Variants in EPB41L3 observed in about 807,000 individuals in gnomAD.
EPB41L3 encodes erythrocyte membrane protein band 4.1 like 3.
A neutral mutation model predicts 127.1 loss-of-function variants in EPB41L3; 57 were observed. The observed-to-expected ratio is 0.45, with a 90% CI of 0.36 to 0.56. EPB41L3 has a LOEUF of 0.56. Ranked by LOEUF, EPB41L3 falls within the 20% of genes least tolerant of loss-of-function variation. EPB41L3 has a pLI of 0.00. For synonymous variants in EPB41L3, 572 were observed against 549.5 expected (o/e 1.04, Z -0.57); for missense variants, 1,273 against 1,372.2 (o/e 0.93, Z 1.14).
intron 3 of EPB41L3, among the ~76,000 whole-genome samples, chr18:5,560,254 GT>G (rs1245059837): frequency 6.6e-6 from 1 of 152,272 alleles, no homozygotes; most frequent in East Asian, 1.9e-4. Flanking sequence ...AATTAGATGG[GT>G]TCCTTTGATT....
chr18:5,544,382 G>A (rs745758401), upstream of EPB41L3: 5 of 923,528 alleles, frequency 5.4e-6, no homozygotes, highest in Non-Finnish European at 6.5e-6. Context: ...CTTCAGGTGA[G>A]TTATTTATTG....
At chr18:5,463,185 T>C (rs2084336757) in intron 3 of EPB41L3, among the ~76,000 whole-genome samples, 1 of 152,200 alleles carries the variant, frequency 6.6e-6, no homozygotes, top group African/African-American at 2.4e-5. Flanking sequence ...AGCTGACTAG[T>C]GTCCCTGTTC....
chr18:5,517,038 T>C (rs2092777886), intron 1 of EPB41L3, among the ~76,000 whole-genome samples: 1 of 152,102 alleles, frequency 6.6e-6, no homozygotes. Context: ...CAGCAGGGAT[T>C]AGCTGTCAGG....
chr18:5,399,005 C>A (rs1055597008), intron 16 of EPB41L3: 1 of 399,138 alleles, frequency 2.5e-6, no homozygotes, highest in Non-Finnish European at 4.4e-6. Flanking sequence ...TTTCCAGGAC[C>A]TCATATTCTG....
chr18:5,492,594 C>G (rs754931381), intron 1 of EPB41L3, among the ~76,000 whole-genome samples: 12 of 152,130 alleles, frequency 7.9e-5, no homozygotes, highest in South Asian at 2.1e-4. Context: ...TCACTTTGCA[C>G]GAAACTATCT....
In EPB41L3 at chr18:5,394,781, C is replaced by T; in HGVS notation, c.3166G>A (p.Ala1056Thr). ...DIDHDQALAQ[A>T]IKEAKEQHPD... ...TGCTGCTCTTTGGCCTCTTTAATTGCCTGAGCCAGCGCCTATCCCCGGGAA... is the reference window on the plus strand; with the variant it reads ...TGCTGCTCTTTGGCCTCTTTAATTGTCTGAGCCAGCGCCTATCCCCGGGAA... Residue 1056 changes from alanine (A) to threonine (T), a missense_variant, in exon 22 of 23, where the codon GCA (alanine) becomes ACA (threonine). Around this residue, in one of 3 missense-constraint regions of EPB41L3, gnomAD observed 765 missense variants for 782.9 expected, o/e 0.98. Coordinates refer to ENST00000341928, the MANE Select transcript of EPB41L3 (RefSeq NM_012307.5). The T allele has an allele frequency of 6.2e-7, 1 of 1,614,110 alleles. No individual in the cohort carries two copies. The highest frequency in any genetic ancestry group is 8.5e-7 in the Non-Finnish European group (1 of 1,180,004).
intron 5 of EPB41L3, among the ~76,000 whole-genome samples, chr18:5,443,295 A>C (rs1476910500): frequency 6.6e-6 from 1 of 152,236 alleles, no homozygotes; most frequent in Non-Finnish European, 1.5e-5. Context: ...TGTCATTTTA[A>C]TTTGCATTTA....
intron 1 of EPB41L3, among the ~76,000 whole-genome samples, chr18:5,624,401 T>G (rs755912359): frequency 1.3e-5 from 2 of 152,234 alleles, no homozygotes; most frequent in Admixed American, 1.3e-4. Context: ...CCACATTCTA[T>G]TCTACTTTTG....
At chr18:5,476,150 C>T (rs2087171116) in intron 3 of EPB41L3, among the ~76,000 whole-genome samples, 2 of 152,028 alleles carry the variant, frequency 1.3e-5, no homozygotes, top group East Asian at 3.9e-4. Flanking sequence ...CAAATTAATC[C>T]ACTGAACTTT....
intron 1 of EPB41L3, among the ~76,000 whole-genome samples, chr18:5,514,853 T>G (rs537323372): frequency 3.9e-5 from 6 of 152,336 alleles, no homozygotes; most frequent in Non-Finnish European, 7.3e-5. Context: ...ACCCATAATA[T>G]TCTCTTTTTC....
At chr18:5,402,880 T>C (rs1241056520) in intron 16 of EPB41L3, among the ~76,000 whole-genome samples, 3 of 152,146 alleles carry the variant, frequency 2.0e-5, no homozygotes, top group Non-Finnish European at 4.4e-5. Context: ...ATTTAGGGAA[T>C]GGGTAAATTT....
At chr18:5,570,666 A>C (rs2094266636) in intron 3 of EPB41L3, 1 of 151,868 alleles carries the variant, frequency 6.6e-6, no homozygotes. Flanking sequence ...GGTTTGTTAC[A>C]TATGTAGACA....
intron 5 of EPB41L3, among the ~76,000 whole-genome samples, chr18:5,439,639 C>A (rs2080378330): frequency 6.6e-6 from 1 of 152,186 alleles, no homozygotes; most frequent in South Asian, 2.1e-4. Context: ...ATTTTTAAAC[C>A]ATTCAAAATA....
Position 5,397,343 on chromosome 18 carries a change from C to T in EPB41L3, c.2556G>A (p.Val852=). Residue 852 remains valine, a synonymous_variant, in exon 18 of 23, where the codon GTG becomes GTA. Transcript: ENST00000341928. The surrounding 1 kb of genome is among the most constrained non-coding windows in gnomAD (Gnocchi z 4.1). The stretch of plus-strand genomic sequence containing the variant: ...GCTCCTCCACCAACACGGTCTCCTG[C>T]ACCACCTTCTCAGTGCTAAGCGGCA... ...HHLPLSTEKV[V]QETVLVEERR... 1 of 1,614,042 alleles carries T rather than the reference C, an allele frequency of 6.2e-7. No homozygotes were observed. The highest frequency in any genetic ancestry group is 1.1e-5 in the South Asian group (1 of 91,082).
chr18:5,491,512 A>G (rs1266131647), intron 1 of EPB41L3, among the ~76,000 whole-genome samples: 2 of 152,236 alleles, frequency 1.3e-5, no homozygotes, highest in African/African-American at 4.8e-5. Context: ...AAGCTAAATA[A>G]AAATGTAAAA....
chr18:5,419,608 G>T, intron 12 of EPB41L3, 103 bp downstream of exon 12: 1 of 1,483,754 alleles, frequency 6.7e-7, no homozygotes, highest in South Asian at 1.3e-5. Flanking sequence ...GCTGACATAT[G>T]ATTTATCCTA....
intron 3 of EPB41L3, among the ~76,000 whole-genome samples, chr18:5,453,337 A>G (rs1433136449): frequency 6.6e-6 from 1 of 152,172 alleles, no homozygotes. Flanking sequence ...GAATGAGGAG[A>G]GCAAGTTGTT....
intron 13 of EPB41L3, 78 bp from the exon 14 acceptor site, chr18:5,410,697 G>C: frequency 8.7e-7 from 1 of 1,148,232 alleles, no homozygotes; most frequent in Non-Finnish European, 1.3e-6. Flanking sequence ...ACACGCTCTG[G>C]CACAGGTCAG....
chr18:5,455,372 G>A (rs942587107), intron 3 of EPB41L3, among the ~76,000 whole-genome samples: 1 of 152,012 alleles, frequency 6.6e-6, no homozygotes, highest in Non-Finnish European at 1.5e-5. Context: ...AGTAAACTGA[G>A]TCTACATTCA....
Sources: gnomAD v4.1 joint callset for allele counts (sites outside exome capture counted in the v4.1 genomes callset) on GRCh38, gnomAD v4.1.1 for gene constraint, gnomAD v4.1.1 regional missense constraint, Gnocchi (gnomAD v3.1) non-coding constraint, MANE v1.5 for transcripts, NCBI Gene and HGNC (gene_info 2026-07-23, HGNC 2026-07-21) for gene names.